ATP8B4: variants seen among roughly 807,000 people sequenced by gnomAD.
ATP8B4 encodes the protein probable phospholipid-transporting ATPase IM.
A neutral mutation model predicts 145.6 loss-of-function variants in ATP8B4; 133 were observed. The ratio of observed to expected loss-of-function variants is 0.91; its 90% CI spans 0.79 to 1.05. The LOEUF (loss-of-function observed/expected upper bound fraction) is 1.05, where lower values mean the gene tolerates loss of function less well. Among genes scored for constraint, ATP8B4 ranks in the 50% least tolerant of loss-of-function variants. The pLI is 0.00. For synonymous variants in ATP8B4, 507 were observed against 492.9 expected, an observed-to-expected ratio of 1.03 and a Z score of -0.38; for missense variants, 1,458 against 1,425.2, an observed-to-expected ratio of 1.02 and a Z score of -0.37.
intron 15 of ATP8B4, 61 bp from the exon 16 acceptor site, chr15:49,931,368 A>AAAGAAGCAC: frequency 6.7e-7 from 1 of 1,483,984 alleles, no homozygotes; most frequent in Non-Finnish European, 9.2e-7. Flanking sequence ...ATAGAGTTCC[A>AAAGAAGCAC]ATGCCAACTC....
intron 1 of ATP8B4, among the ~76,000 whole-genome samples, chr15:50,140,225 G>A (rs1200530955): frequency 6.6e-6 from 1 of 152,142 alleles, no homozygotes; most frequent in African/African-American, 2.4e-5. Flanking sequence ...TGAGTACATT[G>A]AGCCATCACT....
Position 49,904,092 on chromosome 15 carries a change from G to A in ATP8B4, c.2142-2853C>T, listed in dbSNP as rs542953294. ...ACCTCTAGCCACTTGATTAGCCAGCGACAGATCCATGGCTGGAACCTACGT... is the reference window on the plus strand; with the variant it reads ...ACCTCTAGCCACTTGATTAGCCAGCAACAGATCCATGGCTGGAACCTACGT... On this transcript the variant is annotated intron_variant, in intron 20 of 27. Transcript: ENST00000284509. Among the ~76,000 whole-genome samples the A allele has an allele frequency of 7.2e-5, 11 of 152,174 alleles. No homozygotes were observed. In the East Asian group the frequency reaches 1.2e-3, roughly 16 times the overall value.
intron 1 of ATP8B4, among the ~76,000 whole-genome samples, chr15:50,128,402 G>A (rs1025170521): frequency 6.6e-6 from 1 of 152,232 alleles, no homozygotes; most frequent in Non-Finnish European, 1.5e-5. Context: ...GGAGGAGAAA[G>A]GTGGCTGCAG....
intron 14 of ATP8B4, among the ~76,000 whole-genome samples, chr15:49,944,415 G>A (rs1261830522): frequency 2.6e-5 from 4 of 152,068 alleles, no homozygotes; most frequent in Non-Finnish European, 4.4e-5. Context: ...GAGAGAAGAG[G>A]TGGTCATATT....
At chr15:49,988,166 C>T (rs1236944111) in intron 9 of ATP8B4, among the ~76,000 whole-genome samples, 6 of 152,164 alleles carry the variant, frequency 3.9e-5, no homozygotes, top group African/African-American at 1.2e-4. Flanking sequence ...ATATAACTTG[C>T]CCCTAACTGG....
intron 23 of ATP8B4, chr15:49,883,153 T>TTC (rs1294828719): frequency 2.0e-5 from 3 of 152,064 alleles, no homozygotes; most frequent in Non-Finnish European, 4.4e-5. Context: ...CCATTTTTTT[T>TTC]TTTTTAAAGC....
rs1227696258 is a variant in ATP8B4, at chr15:49,972,731, T to A, written c.1094A>T (p.Tyr365Phe). 11 of 1,614,044 alleles carry A rather than the reference T, an allele frequency of 6.8e-6. No homozygotes were observed. The highest frequency in any genetic ancestry group is 9.3e-6 in the Non-Finnish European group (11 of 1,179,986). ...YFINWDRKMY[Y>F]SRKAIPAVAR... ...CACTGCAGGTATTGCTTTTCGAGAA[T>A]AATACATCTTCCGGTCCCAGTTTAT... The change falls in exon 13 of 28, where the codon TAT becomes TTT. Residue 365 changes from tyrosine (Y) to phenylalanine (F), a missense_variant. Transcript: ENST00000284509.
At chr15:49,945,042 C>T (rs1359761113) in intron 14 of ATP8B4, among the ~76,000 whole-genome samples, 1 of 151,972 alleles carries the variant, frequency 6.6e-6, no homozygotes, top group Non-Finnish European at 1.5e-5. Flanking sequence ...TGGCATATAG[C>T]AAAAGCAGTA....
chr15:49,950,674 G>C (rs1402391191), intron 14 of ATP8B4, among the ~76,000 whole-genome samples: 1 of 149,958 alleles, frequency 6.7e-6, no homozygotes, highest in South Asian at 2.1e-4. Context: ...TGATTTTTTG[G>C]AGGGTTTTTT....
intron 1 of ATP8B4, among the ~76,000 whole-genome samples, chr15:50,163,703 A>G (rs1248057786): frequency 6.6e-6 from 1 of 152,186 alleles, no homozygotes; most frequent in Non-Finnish European, 1.5e-5. Context: ...CCTTGCTTGT[A>G]TCTTTCCTTT....
chr15:50,150,266 G>T (rs895708966), intron 1 of ATP8B4, among the ~76,000 whole-genome samples: 1 of 152,304 alleles, frequency 6.6e-6, no homozygotes, highest in Admixed American at 6.5e-5. Context: ...TTTGTGCAAG[G>T]TTGGGAGTTT....
intron 20 of ATP8B4, among the ~76,000 whole-genome samples, chr15:49,912,964 C>CA (rs997613652): frequency 5.3e-5 from 8 of 151,950 alleles, no homozygotes; most frequent in African/African-American, 1.9e-4. Context: ...TCTCTCTCTA[C>CA]AAAAAATACA....
intron 12 of ATP8B4, among the ~76,000 whole-genome samples, chr15:49,978,193 A>G (rs1336129416): frequency 6.6e-6 from 1 of 152,210 alleles, no homozygotes; most frequent in Non-Finnish European, 1.5e-5. Flanking sequence ...GAAAGCCACT[A>G]TGCACATTTA....
intron 6 of ATP8B4, among the ~76,000 whole-genome samples, chr15:50,019,786 T>G (rs1365690189): frequency 3.3e-5 from 5 of 152,176 alleles, no homozygotes; most frequent in Non-Finnish European, 5.9e-5. Flanking sequence ...CTTCAAACCT[T>G]TTCTTTGTTT....
At chr15:50,000,098 T>A (rs1057013150) in intron 8 of ATP8B4, among the ~76,000 whole-genome samples, 1 of 152,160 alleles carries the variant, frequency 6.6e-6, no homozygotes, top group African/African-American at 2.4e-5. Context: ...ACCATTGACT[T>A]ATTGAAGGAT....
At chr15:50,168,730 C>A (rs2044628895) in intron 1 of ATP8B4, among the ~76,000 whole-genome samples, 1 of 152,168 alleles carries the variant, frequency 6.6e-6, no homozygotes, top group Non-Finnish European at 1.5e-5. Flanking sequence ...CTTCACAGGT[C>A]AGGGAAGGAC....
At chr15:49,966,772 G>C (rs765372735) in intron 13 of ATP8B4, among the ~76,000 whole-genome samples, 4 of 152,338 alleles carry the variant, frequency 2.6e-5, no homozygotes, top group Middle Eastern at 6.8e-3. Context: ...GCTCTGCTAA[G>C]GGACAGACTG....
chr15:50,087,296 T>C (rs1282922338), intron 2 of ATP8B4, among the ~76,000 whole-genome samples: 1 of 134,308 alleles, frequency 7.4e-6, no homozygotes, highest in African/African-American at 2.8e-5. Context: ...TATATAGATC[T>C]ATATCTATTA....
intron 20 of ATP8B4, among the ~76,000 whole-genome samples, chr15:49,916,288 G>A (rs749983311): frequency 2.0e-5 from 3 of 152,112 alleles, no homozygotes; most frequent in Non-Finnish European, 1.5e-5. Context: ...TCTGTCCACT[G>A]CTACCTCCAA....
Sources: allele counts gnomAD v4.1 joint callset (sites outside exome capture counted in the v4.1 genomes callset), GRCh38; gene constraint gnomAD v4.1.1; transcripts MANE v1.5; gene names NCBI Gene and HGNC (gene_info 2026-07-23, HGNC 2026-07-21).